SCLT1: variants seen among roughly 807,000 people sequenced by gnomAD.
The protein encoded by SCLT1 is sodium channel and clathrin linker 1, also known as sodium channel-associated protein 1.
In SCLT1, 78 loss-of-function variants were observed where a neutral mutation model predicts 112.8. The observed-to-expected ratio is 0.69, with a 90% CI of 0.58 to 0.83. The LOEUF is 0.83. Among genes scored for constraint, SCLT1 ranks in the 40% least tolerant of loss-of-function variants. The pLI, the probability that SCLT1 is intolerant of heterozygous loss-of-function variation, is 0.00. For missense variants in SCLT1, 747 were observed against 770.4 expected, an observed-to-expected ratio of 0.97 and a Z score of 0.36; for synonymous variants, 257 against 254.7, an observed-to-expected ratio of 1.01 and a Z score of -0.09.
intron 18 of SCLT1, among the ~76,000 whole-genome samples, chr4:128,934,559 A>G (rs1737030602): frequency 6.6e-6 from 1 of 151,884 alleles, no homozygotes; most frequent in African/African-American, 2.4e-5. Flanking sequence ...TTTTCAAACA[A>G]AAGTCTTACA....
chr4:128,965,512 A>G (rs924306654), intron 10 of SCLT1, among the ~76,000 whole-genome samples, 194 bp from the exon 11 acceptor site: 5 of 152,226 alleles, frequency 3.3e-5, no homozygotes, highest in Non-Finnish European at 7.3e-5. Flanking sequence ...CTTCATCATC[A>G]ATCCTGTGTT....
chr4:128,955,517 CA>C (rs778710981), intron 13 of SCLT1, among the ~76,000 whole-genome samples: 3 of 151,740 alleles, frequency 2.0e-5, no homozygotes, highest in Non-Finnish European at 4.4e-5. Context: ...ATTTTATAGC[CA>C]GAACAGAAAT....
intron 18 of SCLT1, among the ~76,000 whole-genome samples, chr4:128,904,156 T>C (rs1734522282): frequency 6.6e-6 from 1 of 152,176 alleles, no homozygotes; most frequent in Non-Finnish European, 1.5e-5. Flanking sequence ...AATTTCTCTA[T>C]AATTTCTGGC....
intron 5 of SCLT1, among the ~76,000 whole-genome samples, chr4:129,038,513 TA>T (rs1430373850): frequency 1.3e-5 from 2 of 151,872 alleles, no homozygotes; most frequent in African/African-American, 4.8e-5. Flanking sequence ...CACATACCTA[TA>T]AAAAAACTGT....
intron 5 of SCLT1, among the ~76,000 whole-genome samples, chr4:129,030,433 C>T (rs1746602812): frequency 6.6e-6 from 1 of 152,034 alleles, no homozygotes; most frequent in East Asian, 1.9e-4. Flanking sequence ...AATGGAAAAG[C>T]TAGCAGAAGA....
intron 18 of SCLT1, among the ~76,000 whole-genome samples, chr4:128,914,950 G>C (rs1735365368): frequency 6.6e-6 from 1 of 151,948 alleles, no homozygotes; most frequent in African/African-American, 2.4e-5. Flanking sequence ...CTTTAAGTTA[G>C]TCATATATGG....
intron 2 of SCLT1, among the ~76,000 whole-genome samples, chr4:129,070,218 T>C (rs1750875555): frequency 6.6e-6 from 1 of 152,182 alleles, no homozygotes; most frequent in Non-Finnish European, 1.5e-5. Context: ...TGTAGTTTTC[T>C]TTTTTGGATA....
At chr4:128,941,354 G>A (rs1238161329) in intron 17 of SCLT1, among the ~76,000 whole-genome samples, 1 of 151,962 alleles carries the variant, frequency 6.6e-6, no homozygotes, top group Non-Finnish European at 1.5e-5. Context: ...AGCCATTCTG[G>A]TGGTGTGTAG....
Position 128,888,814 on chromosome 4 carries a change from G to A in SCLT1, c.1909-40C>T, listed in dbSNP as rs755828595. The A allele has an allele frequency of 2.7e-5, 33 of 1,203,666 alleles. 1 individual carries two copies. Among genetic ancestry groups the A allele is most frequent in the Non-Finnish European group, 3.7e-6 (3 of 820,412 alleles). The allele number at this position is 1,203,666 out of a possible 1,614,324, so 74.6% of individuals were successfully genotyped here. A position where few individuals can be genotyped will look rare whatever the true frequency, so the allele number is the denominator to read the frequency against. ...TAGAAAACAAGTTAGAAATCCATAT[G>A]TGACATGGAGATGTTTTGTGGAATA... On this transcript the variant is annotated intron_variant, in intron 19 of 20. Coordinates refer to ENST00000281142, the MANE Select transcript of SCLT1 (RefSeq NM_144643.4).
intron 9 of SCLT1, among the ~76,000 whole-genome samples, chr4:128,983,130 C>T (rs549205085): frequency 1.2e-4 from 19 of 152,254 alleles, no homozygotes; most frequent in African/African-American, 4.1e-4. Context: ...TCAGGTGATC[C>T]GCCCGCCTCA....
chr4:128,902,861 T>A (rs1361207976), intron 18 of SCLT1, among the ~76,000 whole-genome samples: 3 of 152,206 alleles, frequency 2.0e-5, no homozygotes, highest in African/African-American at 7.2e-5. Flanking sequence ...TCTTTGAGTT[T>A]TTTGTTAAAA....
intron 5 of SCLT1, among the ~76,000 whole-genome samples, chr4:129,026,292 A>C (rs1746069435): frequency 1.3e-5 from 2 of 152,166 alleles, no homozygotes; most frequent in African/African-American, 4.8e-5. Flanking sequence ...TTGACCACAT[A>C]CTGGGAAGTA....
intron 8 of SCLT1, among the ~76,000 whole-genome samples, chr4:128,995,611 A>C (rs1261151411): frequency 2.0e-5 from 3 of 152,004 alleles, no homozygotes; most frequent in African/African-American, 7.2e-5. Context: ...AGCTGGCCAG[A>C]GATTCAGCAG....
At chr4:128,982,078 A>G (rs1399735530) in intron 9 of SCLT1, among the ~76,000 whole-genome samples, 1 of 152,218 alleles carries the variant, frequency 6.6e-6, no homozygotes, top group Non-Finnish European at 1.5e-5. Flanking sequence ...GACAGAAAAG[A>G]ATTTATGATG....
intron 6 of SCLT1, among the ~76,000 whole-genome samples, chr4:129,002,721 A>G (rs865981059): frequency 5.9e-5 from 9 of 152,218 alleles, no homozygotes; most frequent in African/African-American, 2.2e-4. Flanking sequence ...ATGCAAATCA[A>G]AATGACAATA....
chr4:129,074,029 C>T (rs757457168), intron 2 of SCLT1, among the ~76,000 whole-genome samples: 24 of 152,146 alleles, frequency 1.6e-4, no homozygotes, highest in Non-Finnish European at 7.4e-5. Context: ...AGATATGCTA[C>T]ATTTTCAAGA....
chr4:129,032,180 C>A (rs1379944000), intron 5 of SCLT1, among the ~76,000 whole-genome samples: 3 of 151,990 alleles, frequency 2.0e-5, no homozygotes, highest in Non-Finnish European at 4.4e-5. Flanking sequence ...TCAGAAATAA[C>A]ACCACACATC....
chr4:128,979,393 AAG>A (rs1741454516), intron 9 of SCLT1, among the ~76,000 whole-genome samples: 1 of 152,164 alleles, frequency 6.6e-6, no homozygotes, highest in Admixed American at 6.5e-5. Context: ...GTGCCCTCAT[AAG>A]AGAGGCCCAA....
chr4:129,064,280 T>C (rs1034335467), intron 2 of SCLT1, among the ~76,000 whole-genome samples: 1 of 152,202 alleles, frequency 6.6e-6, no homozygotes. Context: ...GGTATGTTTA[T>C]TCATCCTCCT....
Sources: allele counts gnomAD v4.1 joint callset (sites outside exome capture counted in the v4.1 genomes callset), GRCh38; gene constraint gnomAD v4.1.1; transcripts MANE v1.5; gene names NCBI Gene and HGNC (gene_info 2026-07-23, HGNC 2026-07-21).